PDZRN3: variants seen among roughly 807,000 people sequenced by gnomAD.
PDZRN3 encodes the protein PDZ domain containing ring finger 3, also known as E3 ubiquitin-protein ligase PDZRN3.
A neutral mutation model predicts 85.7 loss-of-function variants in PDZRN3; 38 were observed. The observed-to-expected ratio is 0.44, with a 90% confidence interval of 0.34 to 0.58. The LOEUF (loss-of-function observed/expected upper bound fraction) is 0.58. PDZRN3 is among the 20% of genes least tolerant of loss of function. The probability of loss-of-function intolerance (pLI) is 0.01; values close to 1 mark genes in which losing one functional copy is unlikely to be tolerated. For missense variants in PDZRN3, 1,629 were observed against 1,506.4 expected, an observed-to-expected ratio of 1.08 and a Z score of -1.35; for synonymous variants, 759 against 638.0, an observed-to-expected ratio of 1.19 and a Z score of -2.86.
At chr3:73,390,056 A>G (rs1459948086) in intron 6 of PDZRN3, among the ~76,000 whole-genome samples, 178 bp from the exon 7 acceptor site, 1 of 152,162 alleles carries the variant, frequency 6.6e-6, no homozygotes, top group Admixed American at 6.5e-5. Context: ...ATCTGCTTCT[A>G]AGCCCTTTCT....
intron 3 of PDZRN3, among the ~76,000 whole-genome samples, chr3:73,410,848 A>C (rs562331042): frequency 1.3e-5 from 2 of 152,364 alleles, no homozygotes; most frequent in South Asian, 2.1e-4. Flanking sequence ...ATGGCATCCA[A>C]ATGTCCATTA....
intron 3 of PDZRN3, among the ~76,000 whole-genome samples, chr3:73,592,655 A>T (rs1702375202): frequency 6.6e-6 from 1 of 152,100 alleles, no homozygotes; most frequent in African/African-American, 2.4e-5. Context: ...GGCATGGCAG[A>T]CTCATTCCAT....
chr3:73,397,456 A>G (rs1446396541), intron 5 of PDZRN3, among the ~76,000 whole-genome samples: 1 of 152,224 alleles, frequency 6.6e-6, no homozygotes, highest in African/African-American at 2.4e-5. Context: ...TGTTCTAAGA[A>G]ATCTCGTGTA....
At chr3:73,391,354 C>T (rs1036497483) in intron 5 of PDZRN3, among the ~76,000 whole-genome samples, 1 of 152,128 alleles carries the variant, frequency 6.6e-6, no homozygotes, top group South Asian at 2.1e-4. Flanking sequence ...TCATTGATCC[C>T]CCAAAGAAAA....
intron 3 of PDZRN3, among the ~76,000 whole-genome samples, chr3:73,523,965 G>A (rs1341572986): frequency 6.6e-6 from 1 of 152,184 alleles, no homozygotes; most frequent in Non-Finnish European, 1.5e-5. Flanking sequence ...CAGAGCCTGG[G>A]AGTCAATTTA....
At chr3:73,552,001 C>T (rs1701571268) in intron 3 of PDZRN3, among the ~76,000 whole-genome samples, 1 of 152,216 alleles carries the variant, frequency 6.6e-6, no homozygotes, top group African/African-American at 2.4e-5. Context: ...GTCCAAGTGA[C>T]TGATTCCTAT....
chr3:73,387,897 CT>C lies in PDZRN3; in HGVS notation c.1518+70del, dbSNP rs199673034. On this transcript the variant is annotated intron_variant, in intron 8 of 9. Coordinates refer to ENST00000263666, the MANE Select transcript of PDZRN3 (RefSeq NM_015009.3). ...AGTTCGCAGCCAATACTCAGGTGCT[CT>C]TTTGCAGGCCTGGGGATCTTTTGAT... is the stretch of plus-strand genomic sequence containing the variant. The C allele has an allele frequency of 7.8e-3, 5,620 of 723,520 alleles. 39 individuals are homozygous for C. Among genetic ancestry groups the C allele is most frequent in the Non-Finnish European group, 0.01 (4,342 of 427,240 alleles). 44.8% of individuals were successfully genotyped at this position (723,520 alleles called of 1,614,324 possible). A position where few individuals can be genotyped will look rare whatever the true frequency, so the allele number is the denominator to read the frequency against.
intron 3 of PDZRN3, among the ~76,000 whole-genome samples, chr3:73,429,758 T>C (rs1200765575): frequency 6.6e-6 from 1 of 152,234 alleles, no homozygotes; most frequent in Non-Finnish European, 1.5e-5. Flanking sequence ...TTTCCTGTTA[T>C]TACTGAGAGG....
chr3:73,603,052 G>A (rs1046162100), intron 2 of PDZRN3, among the ~76,000 whole-genome samples: 14 of 152,118 alleles, frequency 9.2e-5, no homozygotes, highest in African/African-American at 3.1e-4. Context: ...GGAACTGTTG[G>A]GTAAAAGGAT....
At chr3:73,414,222 A>G (rs1702031864) in intron 3 of PDZRN3, among the ~76,000 whole-genome samples, 1 of 152,214 alleles carries the variant, frequency 6.6e-6, no homozygotes, top group African/African-American at 2.4e-5. Context: ...GAAAAATGCT[A>G]TTGGACTTAA....
intron 3 of PDZRN3, among the ~76,000 whole-genome samples, chr3:73,558,237 C>T (rs899279126): frequency 1.4e-5 from 2 of 138,024 alleles, no homozygotes; most frequent in Non-Finnish European, 3.1e-5. Context: ...AAAAAAAAAT[C>T]CAGGAGCATA....
At chr3:73,554,134 GGCC>G (rs1170387650) in intron 3 of PDZRN3, among the ~76,000 whole-genome samples, 1 of 152,126 alleles carries the variant, frequency 6.6e-6, no homozygotes, top group East Asian at 1.9e-4. Context: ...TGTGGAGAAT[GGCC>G]ACCACTTAGG....
rs1703279225 is a variant in PDZRN3 at position 73,383,093 on chromosome 3, C to T, written c.*272G>A. On this transcript the variant is annotated 3_prime_UTR_variant, in exon 10 of 10. Transcript: ENST00000263666. ...AAAAGATCTTTCTGAAATTTAAACA[C>T]TTTATGTAAAAGGGTACAGGTAGAA... 3 of 337,098 alleles carry T rather than the reference C, an allele frequency of 8.9e-6. No homozygotes were observed. The highest frequency in any genetic ancestry group is 1.6e-5 in the Non-Finnish European group (3 of 186,464). 20.9% of individuals were successfully genotyped at this position (337,098 alleles called of 1,614,324 possible).
intron 3 of PDZRN3, among the ~76,000 whole-genome samples, chr3:73,533,064 A>G (rs918034737): frequency 1.3e-5 from 2 of 152,252 alleles, no homozygotes; most frequent in African/African-American, 4.8e-5. Flanking sequence ...CATAGGTTTC[A>G]TATTTAACAA....
intron 3 of PDZRN3, among the ~76,000 whole-genome samples, chr3:73,494,090 T>C (rs1221028086): frequency 1.3e-5 from 2 of 152,178 alleles, no homozygotes; most frequent in African/African-American, 2.4e-5. Context: ...CTTTTCGCTA[T>C]GTTTTGTTTT....
At chr3:73,477,136 T>C (rs1559699618) in intron 3 of PDZRN3, among the ~76,000 whole-genome samples, 1 of 152,212 alleles carries the variant, frequency 6.6e-6, no homozygotes, top group Non-Finnish European at 1.5e-5. Context: ...ATCATTATTA[T>C]ACCTTGATAC....
At position 73,382,539 on chromosome 3, in the gene PDZRN3, G is replaced by T. The variant is rs186904604; in HGVS notation, c.*826C>A. ...TTATTTTAACTTCATTTTACTGTTTGTAACTAATCATGATTTTGTGAACTT... is the reference window on the plus strand; with the variant it reads ...TTATTTTAACTTCATTTTACTGTTTTTAACTAATCATGATTTTGTGAACTT... On this transcript the variant is annotated 3_prime_UTR_variant, in exon 10 of 10. Coordinates refer to ENST00000263666, the MANE Select transcript of PDZRN3 (RefSeq NM_015009.3). 5 of 152,680 alleles carry T rather than the reference G, an allele frequency of 3.3e-5. No individual in the cohort carries two copies. Among genetic ancestry groups the T allele is most frequent in the Admixed American group, 2.6e-4 (4 of 15,292 alleles). The allele number at this position is 152,680 out of a possible 1,614,324, so 9.5% of individuals were successfully genotyped here.
At chr3:73,554,446 GTCA>G (rs1367946377) in intron 3 of PDZRN3, among the ~76,000 whole-genome samples, 51 of 152,148 alleles carry the variant, frequency 3.4e-4, no homozygotes, top group African/African-American at 1.2e-3. Context: ...GCTTGCTGCT[GTCA>G]TCATCGTCAT....
Position 73,384,130 on chromosome 3 carries a change from C to T in PDZRN3, c.2436G>A (p.Thr812=), listed in dbSNP as rs944482151. The T allele has an allele frequency of 3.1e-6, 5 of 1,613,938 alleles. No homozygotes were observed. The highest frequency in any genetic ancestry group is 3.3e-5 in the Admixed American group (2 of 60,002). ...TAGGGGTGCCCACTTCGGGATCTTC[C>T]GTGATGGAGAGCAGATTCTTGGAGG... ...GPASKNLLSI[T]EDPEVGTPTY... is the part of the protein sequence containing the mutation. Residue 812 remains threonine, a synonymous_variant, in exon 10 of 10, where the codon ACG becomes ACA. Coordinates refer to ENST00000263666, the MANE Select transcript of PDZRN3 (RefSeq NM_015009.3).
Sources: gnomAD v4.1 joint callset for allele counts (sites outside exome capture counted in the v4.1 genomes callset) on GRCh38, gnomAD v4.1.1 for gene constraint, MANE v1.5 for transcripts, NCBI Gene and HGNC (gene_info 2026-07-23, HGNC 2026-07-21) for gene names.